PHF21B: variants seen among roughly 807,000 people sequenced by gnomAD.
PHF21B encodes the protein PHD finger protein 4.
In PHF21B, 22 loss-of-function variants were observed where a neutral mutation model predicts 62.2. That is an observed-to-expected ratio of 0.35 (90% CI 0.25 to 0.51). The LOEUF (loss-of-function observed/expected upper bound fraction) is 0.51, where lower values mean the gene tolerates loss of function less well. Ranked by LOEUF, PHF21B falls within the 20% of genes least tolerant of loss-of-function variation. The pLI, the probability that PHF21B is intolerant of heterozygous loss-of-function variation, is 0.97. For missense variants in PHF21B, 701 were observed against 707.9 expected, an observed-to-expected ratio of 0.99 and a Z score of 0.11; for synonymous variants, 341 against 314.7, an observed-to-expected ratio of 1.08 and a Z score of -0.88.
chr22:44,936,740 A>G (rs1452058348), intron 2 of PHF21B, among the ~76,000 whole-genome samples: 2 of 152,298 alleles, frequency 1.3e-5, no homozygotes, highest in South Asian at 2.1e-4. Context: ...GTTTCTTTTT[A>G]CTTTTTTTAT....
At chr22:44,953,350 C>A (rs568327299) in intron 2 of PHF21B, among the ~76,000 whole-genome samples, 1 of 152,196 alleles carries the variant, frequency 6.6e-6, no homozygotes, top group African/African-American at 2.4e-5. Context: ...TTGAAGCTCC[C>A]GTGAGTGCCC....
intron 2 of PHF21B, among the ~76,000 whole-genome samples, chr22:44,954,111 CA>C (rs2072247319): frequency 6.6e-6 from 1 of 152,210 alleles, no homozygotes; most frequent in African/African-American, 2.4e-5. Context: ...GGAAAGCTAC[CA>C]GCTGATGCAG....
At chr22:44,884,190 A>ATCACCACCACGATCACCAACG in intron 12 of PHF21B, among the ~76,000 whole-genome samples, 2 of 150,962 alleles carry the variant, frequency 1.3e-5, no homozygotes, top group Admixed American at 6.6e-5. Flanking sequence ...CATTACCACC[A>ATCACCACCACGATCACCAACG]TCACCACCAC....
intron 2 of PHF21B, among the ~76,000 whole-genome samples, chr22:44,979,487 C>T (rs1480448292): frequency 6.6e-6 from 1 of 152,192 alleles, no homozygotes; most frequent in African/African-American, 2.4e-5. Context: ...TTCCTGCAGC[C>T]CCTGGAGGGC....
At chr22:44,914,211 GGCGGATCCCCGGGAACTGGGTGGTTT>G (rs2071396672) in intron 4 of PHF21B, 123 bp from the exon 5 acceptor site, 1 of 569,004 alleles carries the variant, frequency 1.8e-6, no homozygotes, top group Non-Finnish European at 3.1e-6. Context: ...AACCTGGGAG[GGCGGATCCCCGGGAACTGGGTGGTTT>G]GCGCCCCTGT....
intron 5 of PHF21B, chr22:44,902,235 G>C: frequency 4.9e-6 from 1 of 202,296 alleles, no homozygotes; most frequent in Non-Finnish European, 1.1e-5. Context: ...CAGAACCCCA[G>C]ACACCAGAAA....
intron 6 of PHF21B, 110 bp downstream of exon 6, chr22:44,895,922 A>C (rs2147263890): frequency 1.7e-6 from 2 of 1,167,614 alleles, no homozygotes; most frequent in Admixed American, 3.4e-5. Context: ...CGCTCCACCC[A>C]TATCGGCTGC....
intron 7 of PHF21B, 48 bp downstream of exon 7, chr22:44,893,409 C>A: frequency 6.5e-7 from 1 of 1,545,742 alleles, no homozygotes. Context: ...AGGCTGTGCA[C>A]TGGGAGCCCC....
chr22:44,895,923 T>C (rs2071048632), intron 6 of PHF21B, 109 bp downstream of exon 6: 1 of 1,170,286 alleles, frequency 8.5e-7, no homozygotes, highest in Admixed American at 1.7e-5. Context: ...GCTCCACCCA[T>C]ATCGGCTGCT....
chr22:44,944,825 C>T (rs1260804976), intron 2 of PHF21B, among the ~76,000 whole-genome samples: 1 of 121,242 alleles, frequency 8.2e-6, no homozygotes, highest in Non-Finnish European at 1.7e-5. Context: ...GGTTCAGAAG[C>T]TCTAATGAAG....
intron 5 of PHF21B, among the ~76,000 whole-genome samples, chr22:44,911,062 C>T (rs149051260): frequency 0.055 from 8,336 of 152,204 alleles, 420 homozygotes; most frequent in African/African-American, 0.13. Context: ...AAGAGACTGG[C>T]GGCATTTTGC....
intron 2 of PHF21B, among the ~76,000 whole-genome samples, chr22:44,975,562 G>C (rs2072721886): frequency 6.6e-6 from 1 of 152,234 alleles, no homozygotes; most frequent in Admixed American, 6.5e-5. Context: ...AGCATTTACA[G>C]AACACCGAGC....
At chr22:44,899,704 A>T (rs184197387) in intron 5 of PHF21B, among the ~76,000 whole-genome samples, 2 of 151,480 alleles carry the variant, frequency 1.3e-5, no homozygotes, top group Admixed American at 1.3e-4. Flanking sequence ...ATTTTTCCTT[A>T]AATATTGAAT....
chr22:44,926,954 AGCGTCTTTG>A (rs2071644751), intron 2 of PHF21B, among the ~76,000 whole-genome samples: 1 of 151,874 alleles, frequency 6.6e-6, no homozygotes, highest in African/African-American at 2.4e-5. Context: ...TCTTCTCGGG[AGCGTCTTTG>A]GCTCTGTGTC....
chr22:44,886,024 G>A (rs969342532), intron 10 of PHF21B, 86 bp from the exon 11 acceptor site: 1 of 1,301,216 alleles, frequency 7.7e-7, no homozygotes, highest in East Asian at 2.3e-5. Context: ...AACCCTGAGG[G>A]GGCACGCCCT....
At position 44,881,708 on chromosome 22, in the gene PHF21B, C is replaced by G. The variant is rs56400017; in HGVS notation, c.*1378G>C. 1 of 152,668 alleles carries G rather than the reference C, an allele frequency of 6.6e-6. No homozygotes were observed. The highest frequency in any genetic ancestry group is 1.5e-5 in the Non-Finnish European group (1 of 68,050). 9.5% of individuals were successfully genotyped at this position (152,668 alleles called of 1,614,324 possible). A position where few individuals can be genotyped will look rare whatever the true frequency, so the allele number is the denominator to read the frequency against. The stretch of plus-strand genomic sequence containing the variant: ...GTCGTGGCCGCGTGCGATGCACACA[C>G]GCGTGTTCAGTGCAATTCGGCACCA... On this transcript the variant is annotated 3_prime_UTR_variant, in exon 13 of 13. Coordinates refer to ENST00000313237, the MANE Select transcript of PHF21B (RefSeq NM_138415.5).
At chr22:44,997,289 A>G (rs1414197724) in intron 2 of PHF21B, among the ~76,000 whole-genome samples, 2 of 152,016 alleles carry the variant, frequency 1.3e-5, no homozygotes, top group Non-Finnish European at 2.9e-5. Flanking sequence ...TGACGTGCCC[A>G]CTTCTGCCAC....
At chr22:44,983,930 A>T (rs544109182) in intron 2 of PHF21B, among the ~76,000 whole-genome samples, 2 of 151,884 alleles carry the variant, frequency 1.3e-5, no homozygotes, top group East Asian at 4.0e-4. Context: ...TATTCAAGGC[A>T]TGTACTCTGA....
intron 2 of PHF21B, among the ~76,000 whole-genome samples, chr22:45,002,641 A>G (rs576649681): frequency 6.6e-6 from 1 of 150,396 alleles, no homozygotes; most frequent in East Asian, 2.0e-4. Flanking sequence ...CATCCTTCAC[A>G]CTCCTCCCTT....
Sources: allele counts gnomAD v4.1 joint callset (sites outside exome capture counted in the v4.1 genomes callset), GRCh38; gene constraint gnomAD v4.1.1; transcripts MANE v1.5; gene names NCBI Gene and HGNC (gene_info 2026-07-23, HGNC 2026-07-21).